The following SH3BGRL2 variants were observed in gnomAD, a reference collection of about 807,000 sequenced individuals.
The protein encoded by SH3BGRL2 is SH3 domain binding glutamate rich protein like 2.
In SH3BGRL2, 21 loss-of-function variants were observed where a neutral mutation model predicts 14.8. The ratio of observed to expected loss-of-function variants is 1.42; its 90% confidence interval spans 1.01 to 2.05. The LOEUF (loss-of-function observed/expected upper bound fraction) is 2.05. Among genes scored for constraint, SH3BGRL2 ranks in the 30% most tolerant of loss-of-function variants. The probability of loss-of-function intolerance (pLI) is 0.00; values close to 1 mark genes in which losing one functional copy is unlikely to be tolerated. For synonymous variants in SH3BGRL2, 50 were observed against 47.8 expected (o/e 1.05, Z -0.19); for missense variants, 147 against 130.8 (o/e 1.12, Z -0.61).
the SH3BGRL2 span, among the ~76,000 whole-genome samples, chr6:79,578,988 A>G: frequency 1.3e-5 from 2 of 152,234 alleles, no homozygotes; most frequent in South Asian, 4.1e-4. Context: ...CCATGGTATG[A>G]GAACTACATG....
the SH3BGRL2 span, among the ~76,000 whole-genome samples, chr6:79,602,281 A>AT: frequency 6.6e-6 from 1 of 152,236 alleles, no homozygotes; most frequent in African/African-American, 2.4e-5. Context: ...TCAAATAAAA[A>AT]ATATATAAAT....
chr6:79,688,775 G>A (rs1420388720), intron 2 of SH3BGRL2, among the ~76,000 whole-genome samples: 1 of 151,922 alleles, frequency 6.6e-6, no homozygotes, highest in Non-Finnish European at 1.5e-5. Flanking sequence ...TATCTTAATA[G>A]GAAGTAGTTT....
intron 1 of SH3BGRL2, among the ~76,000 whole-genome samples, chr6:79,635,552 T>C (rs1207864488): frequency 6.6e-6 from 1 of 152,252 alleles, no homozygotes; most frequent in Non-Finnish European, 1.5e-5. Flanking sequence ...ATGGCATAAA[T>C]CAGTGCTGTC....
At chr6:79,659,145 A>G (rs557278256) in intron 1 of SH3BGRL2, among the ~76,000 whole-genome samples, 1 of 152,160 alleles carries the variant, frequency 6.6e-6, no homozygotes, top group African/African-American at 2.4e-5. Context: ...TAGTTTAATT[A>G]GATCCCATTT....
chr6:79,621,052 C>T, the SH3BGRL2 span, among the ~76,000 whole-genome samples: 3 of 151,958 alleles, frequency 2.0e-5, no homozygotes, highest in Admixed American at 1.3e-4. Flanking sequence ...TGTGAGCCAC[C>T]GAGCCCAGCC....
intron 1 of SH3BGRL2, among the ~76,000 whole-genome samples, chr6:79,665,141 A>C (rs925605083): frequency 6.6e-6 from 1 of 152,230 alleles, no homozygotes; most frequent in Non-Finnish European, 1.5e-5. Context: ...AGGAGTTTGC[A>C]GTGAGCTGAG....
chr6:79,640,260 C>G (rs983054321), intron 1 of SH3BGRL2, among the ~76,000 whole-genome samples: 1 of 152,182 alleles, frequency 6.6e-6, no homozygotes, highest in Admixed American at 6.5e-5. Flanking sequence ...CTGACTTCAT[C>G]TGTCAGCACT....
intron 2 of SH3BGRL2, among the ~76,000 whole-genome samples, chr6:79,694,315 C>T (rs1252352422): frequency 1.3e-5 from 2 of 152,148 alleles, no homozygotes; most frequent in East Asian, 3.9e-4. Context: ...TTACCACGTT[C>T]AGTATAGTCA....
chr6:79,660,567 C>T (rs1000810817), intron 1 of SH3BGRL2, among the ~76,000 whole-genome samples: 5 of 152,046 alleles, frequency 3.3e-5, no homozygotes, highest in African/African-American at 1.2e-4. Context: ...ATTTTTGCAT[C>T]GATGTTCATC....
chr6:79,613,983 A>T, the SH3BGRL2 span, among the ~76,000 whole-genome samples: 1 of 152,066 alleles, frequency 6.6e-6, no homozygotes, highest in Non-Finnish European at 1.5e-5. Flanking sequence ...AGTTTGGGGC[A>T]TTAAGTGGTG....
At chr6:79,605,408 ATCCAGTTTTATTTCAGTTTAGTT>A in the SH3BGRL2 span, among the ~76,000 whole-genome samples, 2 of 152,240 alleles carry the variant, frequency 1.3e-5, no homozygotes, top group African/African-American at 2.4e-5. Flanking sequence ...TACCTTCATG[ATCCAGTTTTATTTCAGTTTAGTT>A]TCCCACTCCC....
the SH3BGRL2 span, among the ~76,000 whole-genome samples, chr6:79,601,945 C>T: frequency 3.8e-3 from 581 of 151,804 alleles, 2 homozygotes; most frequent in African/African-American, 0.013. Context: ...ACAAAAAAAC[C>T]CAGGAAACAA....
In SH3BGRL2 at chr6:79,644,010, G is replaced by T. The variant is rs955328372; in HGVS notation, c.45+12504G>T. On this transcript the variant is annotated intron_variant, in intron 1 of 3. Coordinates refer to ENST00000369838, the MANE Select transcript of SH3BGRL2 (RefSeq NM_031469.4). ...AGGTAATACGGGGAAAGAAAGGTTG[G>T]CCAGGATGGCTGTAACCCAGAGATG... is the stretch of plus-strand genomic sequence containing the variant. 2.6e-5 allele frequency among the ~76,000 whole-genome samples: 4 copies of T among 152,290 alleles called. No homozygotes were observed. The East Asian group carries it at 5.8e-4, about 22-fold the overall frequency.
the SH3BGRL2 span, among the ~76,000 whole-genome samples, chr6:79,596,467 A>C: frequency 2.0e-4 from 31 of 152,064 alleles, no homozygotes; most frequent in Admixed American, 4.6e-4. Flanking sequence ...ATTTGTTAAA[A>C]ATTTTTTTGT....
intron 1 of SH3BGRL2, among the ~76,000 whole-genome samples, chr6:79,667,353 A>G (rs539905233): frequency 6.6e-6 from 1 of 152,216 alleles, no homozygotes; most frequent in East Asian, 1.9e-4. Context: ...GTAGGTTACA[A>G]TCTGTTTACG....
the SH3BGRL2 span, among the ~76,000 whole-genome samples, chr6:79,551,927 G>GA: frequency 3.9e-5 from 6 of 151,920 alleles, no homozygotes; most frequent in Non-Finnish European, 7.4e-5. Context: ...CTGTCTCTAC[G>GA]AAAAATACCA....
At chr6:79,670,653 G>A (rs528968878) in intron 1 of SH3BGRL2, among the ~76,000 whole-genome samples, 9 of 152,282 alleles carry the variant, frequency 5.9e-5, no homozygotes, top group Admixed American at 2.6e-4. Flanking sequence ...GAAGAGTGGC[G>A]TAACTTATTA....
chr6:79,628,351 CA>C (rs1033973367), upstream of SH3BGRL2, among the ~76,000 whole-genome samples: 49 of 142,794 alleles, frequency 3.4e-4, no homozygotes, highest in Admixed American at 6.3e-4. Flanking sequence ...CTTACTCCCA[CA>C]AAAAAAAAAG....
chr6:79,594,836 G>GA, the SH3BGRL2 span, among the ~76,000 whole-genome samples: 1 of 152,168 alleles, frequency 6.6e-6, no homozygotes, highest in African/African-American at 2.4e-5. Flanking sequence ...ATTAAGTTCA[G>GA]ATTAAGTAGA....
Sources: allele counts gnomAD v4.1 joint callset (sites outside exome capture counted in the v4.1 genomes callset), GRCh38; gene constraint gnomAD v4.1.1; transcripts MANE v1.5; gene names NCBI Gene and HGNC (gene_info 2026-07-23, HGNC 2026-07-21).